The following DENND1B variants were observed in gnomAD, a reference collection of about 807,000 sequenced individuals.
The protein encoded by DENND1B is DENN domain-containing protein 1B.
DENND1B carries 59 observed loss-of-function variants against 90.1 expected under a neutral mutation model. The observed-to-expected ratio is 0.65, with a 90% CI of 0.53 to 0.81. The LOEUF (loss-of-function observed/expected upper bound fraction) is 0.81. Ranked by LOEUF, DENND1B falls within the 40% of genes least tolerant of loss-of-function variation. The pLI is 0.00. For synonymous variants in DENND1B, 337 were observed against 324.6 expected (o/e 1.04, Z -0.41); for missense variants, 862 against 912.6 (o/e 0.94, Z 0.71).
At chr1:197,641,623 C>A (rs907228779) in intron 10 of DENND1B, among the ~76,000 whole-genome samples, 1 of 151,948 alleles carries the variant, frequency 6.6e-6, no homozygotes, top group South Asian at 2.1e-4. Context: ...TAAATTCATA[C>A]AAATTATATG....
At chr1:197,518,095 T>C (rs1046011200) in intron 20 of DENND1B, among the ~76,000 whole-genome samples, 2 of 151,856 alleles carry the variant, frequency 1.3e-5, no homozygotes, top group Non-Finnish European at 2.9e-5. Context: ...AATTTATCTC[T>C]TGTGCCCTCA....
intron 2 of DENND1B, among the ~76,000 whole-genome samples, chr1:197,722,839 T>G (rs1003877411): frequency 3.3e-5 from 5 of 152,276 alleles, no homozygotes; most frequent in East Asian, 3.9e-4. Flanking sequence ...CTAAGCAATT[T>G]TGAAAATATG....
chr1:197,614,642 A>G (rs190304451), intron 11 of DENND1B, among the ~76,000 whole-genome samples: 9 of 150,992 alleles, frequency 6.0e-5, no homozygotes, highest in Admixed American at 5.3e-4. Flanking sequence ...GTACTTAAGA[A>G]TAGCTTTTTT....
chr1:197,621,633 A>G (rs1186979414), intron 10 of DENND1B, among the ~76,000 whole-genome samples: 2 of 151,384 alleles, frequency 1.3e-5, no homozygotes, highest in African/African-American at 4.8e-5. Flanking sequence ...CCCAAGTATC[A>G]TATGTCTGAT....
At position 197,642,781 on chromosome 1, in the gene DENND1B, T is replaced by C. The variant is rs1680381294; in HGVS notation, c.602A>G (p.Asn201Ser). 6.2e-7 allele frequency: 1 copy of C among 1,613,656 alleles called. No homozygotes were observed. Residue 201 changes from asparagine to serine, a missense_variant, in exon 10 of 23, where the codon AAC (asparagine) becomes AGC (serine). Transcript: ENST00000620048. ...TEYFVAVDVN[N>S]MLQLYASMLH... ...CATACTGGCATACAGCTGCAGCATG[T>C]TGTTCACATCCACGGCAACAAAATA...
chr1:197,771,936 A>G (rs140835968), intron 2 of DENND1B, among the ~76,000 whole-genome samples: 2 of 152,326 alleles, frequency 1.3e-5, no homozygotes, highest in East Asian at 1.9e-4. Context: ...ACAATACACA[A>G]TATGACAAAA....
At chr1:197,735,478 A>G in intron 2 of DENND1B, 1 of 1,550,250 alleles carries the variant, frequency 6.5e-7, no homozygotes, top group Non-Finnish European at 8.7e-7. Flanking sequence ...TTGTTAGAAG[A>G]AGTGATCTAA....
chr1:197,552,796 C>T, intron 16 of DENND1B: 2 of 1,309,092 alleles, frequency 1.5e-6, no homozygotes, highest in South Asian at 4.4e-5. Flanking sequence ...ATTATCGAGG[C>T]CAACAGCTGC....
chr1:197,688,147 A>T (rs1054118133), intron 3 of DENND1B, among the ~76,000 whole-genome samples: 5 of 152,096 alleles, frequency 3.3e-5, no homozygotes, highest in Non-Finnish European at 7.4e-5. Context: ...AAACTATAAA[A>T]CACTGATGAA....
chr1:197,658,128 T>C (rs1654035375), intron 6 of DENND1B, among the ~76,000 whole-genome samples, 172 bp downstream of exon 6: 1 of 152,086 alleles, frequency 6.6e-6, no homozygotes, highest in Non-Finnish European at 1.5e-5. Context: ...GTTTAATGGA[T>C]ACAGACAGAG....
chr1:197,547,558 A>C lies in DENND1B; in HGVS notation c.1241-785T>G, dbSNP rs185249384. The stretch of plus-strand genomic sequence containing the variant: ...CAAAAAACAATTTTTATTCTGAAAA[A>C]CATCTCTGACTACTCAGAACACAGC... On this transcript the variant is annotated intron_variant, in intron 16 of 22. Transcript: ENST00000620048. Among the ~76,000 whole-genome samples, 473 of 152,308 alleles carry C rather than the reference A, an allele frequency of 3.1e-3. 3 individuals carry two copies. Among genetic ancestry groups the C allele is most frequent in the African/African-American group, 0.01 (418 of 41,558 alleles).
intron 7 of DENND1B, 91 bp from the exon 8 acceptor site, chr1:197,647,205 T>A: frequency 1.5e-6 from 1 of 674,266 alleles, no homozygotes; most frequent in Non-Finnish European, 2.2e-6. Context: ...CAAACCCATG[T>A]AGCCAAGTTA....
intron 7 of DENND1B, among the ~76,000 whole-genome samples, chr1:197,648,206 A>T (rs894717056): frequency 3.3e-5 from 5 of 152,164 alleles, no homozygotes; most frequent in African/African-American, 1.2e-4. Flanking sequence ...TCTTCACAGT[A>T]TATCTAGATA....
intron 20 of DENND1B, among the ~76,000 whole-genome samples, chr1:197,537,846 G>A (rs1278864755): frequency 1.3e-5 from 2 of 151,914 alleles, no homozygotes; most frequent in East Asian, 3.9e-4. Flanking sequence ...ATTAATAACA[G>A]AGTACTGTAC....
Position 197,681,953 on chromosome 1 carries a change from G to GT in DENND1B, c.127-7785dup, listed in dbSNP as rs1353117897. Reference sequence around the variant, plus strand: ...GAGCAATAAATTATAATTAACCTTGGTTTTTTTGTTTTTGTTTTTGTTTTT... The same window carrying GT: ...GAGCAATAAATTATAATTAACCTTGGTTTTTTTTGTTTTTGTTTTTGTTTTT... On this transcript the variant is annotated intron_variant, in intron 3 of 22. Transcript: ENST00000620048. 4.6e-5 allele frequency among the ~76,000 whole-genome samples: 7 copies of GT among 152,076 alleles called. No homozygotes were observed. In the South Asian group the frequency reaches 1.0e-3, roughly 22 times the overall value.
intron 1 of DENND1B, chr1:197,774,547 C>A (rs1657023674): frequency 6.6e-6 from 1 of 152,250 alleles, no homozygotes; most frequent in Non-Finnish European, 1.5e-5. Context: ...AAAGTACCCT[C>A]TAATTGGATA....
chr1:197,548,783 A>G (rs1230456100), intron 16 of DENND1B, among the ~76,000 whole-genome samples: 1 of 152,150 alleles, frequency 6.6e-6, no homozygotes, highest in Non-Finnish European at 1.5e-5. Flanking sequence ...GGGCTGCTCA[A>G]GGCTAATACC....
intron 10 of DENND1B, among the ~76,000 whole-genome samples, chr1:197,623,539 T>C (rs2125876015): frequency 6.6e-6 from 1 of 151,604 alleles, no homozygotes; most frequent in Non-Finnish European, 1.5e-5. Flanking sequence ...AACAGAAATT[T>C]TACATAATGC....
chr1:197,572,042 T>C (rs1673206759), intron 15 of DENND1B, among the ~76,000 whole-genome samples: 1 of 152,048 alleles, frequency 6.6e-6, no homozygotes, highest in Non-Finnish European at 1.5e-5. Context: ...TTGAGGTACA[T>C]GGTTCATCTC....
Sources: allele counts gnomAD v4.1 joint callset (sites outside exome capture counted in the v4.1 genomes callset), GRCh38; gene constraint gnomAD v4.1.1; transcripts MANE v1.5; gene names NCBI Gene and HGNC (gene_info 2026-07-23, HGNC 2026-07-21).